CCNY: variants seen among roughly 807,000 people sequenced by gnomAD.
The protein encoded by CCNY is cyclin-Y.
A neutral mutation model predicts 42.8 loss-of-function variants in CCNY; 19 were observed. That is an observed-to-expected ratio of 0.44 (90% CI 0.31 to 0.65). CCNY has a LOEUF of 0.65. Ranked by LOEUF, CCNY falls within the 30% of genes least tolerant of loss-of-function variation. The probability of loss-of-function intolerance (pLI) is 0.07; values close to 1 mark genes in which losing one functional copy is unlikely to be tolerated. For missense variants in CCNY, 370 were observed against 437.3 expected, an observed-to-expected ratio of 0.85 and a Z score of 1.37; for synonymous variants, 165 against 162.7, an observed-to-expected ratio of 1.01 and a Z score of -0.11.
At chr10:35,503,971 G>T (rs1245001092) in intron 3 of CCNY, among the ~76,000 whole-genome samples, 1 of 152,140 alleles carries the variant, frequency 6.6e-6, no homozygotes, top group Non-Finnish European at 1.5e-5. Flanking sequence ...TCTGAATATG[G>T]ATCTCAACTG....
At chr10:35,521,023 G>A (rs1307006641) in intron 4 of CCNY, among the ~76,000 whole-genome samples, 1 of 152,192 alleles carries the variant, frequency 6.6e-6, no homozygotes, top group Non-Finnish European at 1.5e-5. Context: ...CAGCCCCACT[G>A]TGCTGCTAGA....
At chr10:35,405,520 A>G (rs1837738558) in intron 1 of CCNY, among the ~76,000 whole-genome samples, 1 of 152,160 alleles carries the variant, frequency 6.6e-6, no homozygotes, top group Non-Finnish European at 1.5e-5. Context: ...GGATAACTAA[A>G]AAGGAGTGCA....
intron 1 of CCNY, among the ~76,000 whole-genome samples, chr10:35,475,293 CAA>C (rs1839482423): frequency 6.6e-6 from 1 of 152,090 alleles, no homozygotes; most frequent in African/African-American, 2.4e-5. Flanking sequence ...GAGAACGCCA[CAA>C]AGATACTCCT....
chr10:35,319,175 G>C (rs1484475461), intron 3 of CCNY, among the ~76,000 whole-genome samples: 2 of 152,138 alleles, frequency 1.3e-5, no homozygotes, highest in Non-Finnish European at 2.9e-5. Flanking sequence ...GTGTTGCCCA[G>C]AACTCTTGGG....
chr10:35,398,505 C>T (rs899121790), intron 1 of CCNY, among the ~76,000 whole-genome samples: 1 of 151,968 alleles, frequency 6.6e-6, no homozygotes, highest in South Asian at 2.1e-4. Context: ...TCTGGCTGGT[C>T]CAGTTCCTAT....
At chr10:35,256,751 A>AAAC (rs560074462) in intron 3 of CCNY, among the ~76,000 whole-genome samples, 1 of 62,066 alleles carries the variant, frequency 1.6e-5, no homozygotes, top group East Asian at 4.2e-4. Flanking sequence ...CATTAAAAAA[A>AAAC]AAAAAAAAAA....
intron 1 of CCNY, among the ~76,000 whole-genome samples, chr10:35,418,596 G>A (rs765865324): frequency 2.6e-5 from 4 of 152,088 alleles, no homozygotes; most frequent in Non-Finnish European, 4.4e-5. Flanking sequence ...TGGGGTAAGC[G>A]GTAACTGAGA....
chr10:35,330,118 T>A (rs1418189051), intron 3 of CCNY, among the ~76,000 whole-genome samples: 1 of 152,160 alleles, frequency 6.6e-6, no homozygotes, highest in East Asian at 1.9e-4. Context: ...TTAAGGTATG[T>A]GAAAGTGCCT....
intron 1 of CCNY, among the ~76,000 whole-genome samples, chr10:35,452,770 TA>T (rs35849411): frequency 0.45 from 52,190 of 115,894 alleles, 9,569 homozygotes; most frequent in Middle Eastern, 0.52. Flanking sequence ...TATAGAAAAG[TA>T]AAAAAAAAAA....
chr10:35,514,091 A>AC lies in CCNY; in HGVS notation c.265-2432_265-2431insC, dbSNP rs1192249592. On this transcript the variant is annotated intron_variant, in intron 3 of 9. Transcript: ENST00000374704. ...GGACCAGTTCAAAAAAAAAAAAAAA[A>AC]AAAAAACAGAGACAACCCTGGGGTC... 1.7e-3 allele frequency among the ~76,000 whole-genome samples: 265 copies of AC among 151,558 alleles called. 1 individual carries two copies. Among genetic ancestry groups the AC allele is most frequent in the African/African-American group, 6.1e-3 (254 of 41,332 alleles).
intron 3 of CCNY, among the ~76,000 whole-genome samples, chr10:35,515,763 G>A (rs1039324033): frequency 3.9e-5 from 6 of 152,122 alleles, no homozygotes. Context: ...AATCTATTTA[G>A]TGTTCAACTA....
At chr10:35,375,767 G>A (rs550062363) in intron 1 of CCNY, among the ~76,000 whole-genome samples, 1 of 152,202 alleles carries the variant, frequency 6.6e-6, no homozygotes, top group Non-Finnish European at 1.5e-5. Flanking sequence ...GAGAGAAATT[G>A]TGTCTATAGG....
intron 7 of CCNY, among the ~76,000 whole-genome samples, chr10:35,542,260 G>A (rs187221177): frequency 2.6e-5 from 4 of 151,316 alleles, no homozygotes; most frequent in Non-Finnish European, 4.4e-5. Context: ...TTTGTCTGAC[G>A]TTTTTGTCAT....
chr10:35,438,094 C>T (rs994797360), intron 1 of CCNY, among the ~76,000 whole-genome samples: 8 of 151,868 alleles, frequency 5.3e-5, no homozygotes, highest in African/African-American at 1.9e-4. Context: ...TGATAGCGTC[C>T]AGGAGACACT....
intron 3 of CCNY, among the ~76,000 whole-genome samples, chr10:35,283,736 C>G (rs1835322925): frequency 1.3e-5 from 2 of 152,188 alleles, no homozygotes; most frequent in East Asian, 1.9e-4. Flanking sequence ...GTAATGGACG[C>G]CGTAACCACC....
intron 1 of CCNY, among the ~76,000 whole-genome samples, chr10:35,448,097 G>T (rs551939736): frequency 2.0e-5 from 3 of 152,192 alleles, no homozygotes; most frequent in Non-Finnish European, 4.4e-5. Context: ...GGAACCAGCG[G>T]CTCGCATTTT....
At chr10:35,523,112 C>T (rs1840582035) in intron 4 of CCNY, among the ~76,000 whole-genome samples, 1 of 152,172 alleles carries the variant, frequency 6.6e-6, no homozygotes, top group Admixed American at 6.5e-5. Flanking sequence ...GGTTGTCAAC[C>T]AACAGAAAGT....
At chr10:35,367,691 G>A (rs1183190778) in intron 1 of CCNY, among the ~76,000 whole-genome samples, 2 of 152,198 alleles carry the variant, frequency 1.3e-5, no homozygotes, top group African/African-American at 4.8e-5. Flanking sequence ...CAGTGTCTTT[G>A]GGAGCTGGGT....
intron 4 of CCNY, among the ~76,000 whole-genome samples, chr10:35,518,405 TTTGA>T (rs1840472683): frequency 6.6e-6 from 1 of 150,688 alleles, no homozygotes; most frequent in Non-Finnish European, 1.5e-5. Context: ...TTTAACAGAC[TTTGA>T]TTGAATCTGG....
Sources: gnomAD v4.1 joint callset for allele counts (sites outside exome capture counted in the v4.1 genomes callset) on GRCh38, gnomAD v4.1.1 for gene constraint, MANE v1.5 for transcripts, NCBI Gene and HGNC (gene_info 2026-07-23, HGNC 2026-07-21) for gene names.